Variants in RBFOX1 observed in about 807,000 individuals in gnomAD.
RBFOX1 encodes the protein RNA binding protein fox-1 homolog 1.
RBFOX1 carries 8 observed loss-of-function variants against 57.7 expected under a neutral mutation model. The ratio of observed to expected loss-of-function variants is 0.14; its 90% CI spans 0.08 to 0.25. The LOEUF is 0.25. RBFOX1 is among the 10% of genes least tolerant of loss of function. The pLI is 1.00. For missense variants in RBFOX1, 611 were observed against 548.5 expected (o/e 1.11, Z -1.14); for synonymous variants, 326 against 222.4 (o/e 1.47, Z -4.15).
intron 5 of RBFOX1, among the ~76,000 whole-genome samples, chr16:7,526,017 G>A (rs1323456131): frequency 6.6e-6 from 1 of 151,990 alleles, no homozygotes; most frequent in African/African-American, 2.4e-5. Context: ...CACAGCAAAA[G>A]GTGAGTGGTG....
intron 2 of RBFOX1, among the ~76,000 whole-genome samples, chr16:6,498,977 C>T (rs1045727785): frequency 6.6e-6 from 1 of 152,166 alleles, no homozygotes; most frequent in African/African-American, 2.4e-5. Context: ...CAAAAAGCGA[C>T]TTATGGTTAA....
chr16:6,310,920 A>C (rs1015309009), intron 1 of RBFOX1, among the ~76,000 whole-genome samples: 1 of 148,724 alleles, frequency 6.7e-6, no homozygotes, highest in African/African-American at 2.5e-5. Context: ...AAAAAAAAAA[A>C]GAACAGAATC....
chr16:7,258,514 T>G (rs1263268376), intron 4 of RBFOX1, among the ~76,000 whole-genome samples: 1 of 152,196 alleles, frequency 6.6e-6, no homozygotes, highest in African/African-American at 2.4e-5. Context: ...GCAAGTAGAT[T>G]ATGAAATATT....
intron 4 of RBFOX1, chr16:7,304,292 A>G (rs1248998191): frequency 1.0e-6 from 1 of 985,086 alleles, no homozygotes; most frequent in Non-Finnish European, 1.2e-6. Context: ...AGCAAAATTA[A>G]AAAAGAAAAA....
chr16:6,885,128 G>T (rs2063723416), intron 3 of RBFOX1, among the ~76,000 whole-genome samples: 1 of 152,152 alleles, frequency 6.6e-6, no homozygotes, highest in Non-Finnish European at 1.5e-5. Flanking sequence ...AAGGAGGAAA[G>T]TCTCAAGCTC....
chr16:6,998,847 C>T (rs1204043884), intron 3 of RBFOX1, among the ~76,000 whole-genome samples: 1 of 151,806 alleles, frequency 6.6e-6, no homozygotes, highest in East Asian at 1.9e-4. Flanking sequence ...CATGTTTCTT[C>T]TTTTTTTAAT....
intron 2 of RBFOX1, among the ~76,000 whole-genome samples, chr16:6,594,591 G>A (rs1476183836): frequency 6.6e-6 from 1 of 152,048 alleles, no homozygotes; most frequent in Non-Finnish European, 1.5e-5. Flanking sequence ...TTTCAATTAT[G>A]GGCAACTAGT....
intron 3 of RBFOX1, among the ~76,000 whole-genome samples, chr16:6,934,002 C>T (rs1465068881): frequency 6.6e-6 from 1 of 152,178 alleles, no homozygotes. Context: ...GCCCACCAGC[C>T]AGGGGTCAGG....
chr16:5,718,931 AATGAATGAAC>A (rs2051822508), intron 3 of RBFOX1, among the ~76,000 whole-genome samples: 2 of 151,786 alleles, frequency 1.3e-5, no homozygotes, highest in African/African-American at 4.8e-5. Context: ...TGAATGAATG[AATGAATGAAC>A]TTTCTGGCCT....
chr16:6,985,195 A>G lies in RBFOX1; in HGVS notation c.-15-66862A>G, dbSNP rs183137457. 1.5e-4 allele frequency among the ~76,000 whole-genome samples: 21 copies of G among 139,450 alleles called. No homozygotes were observed. The East Asian group carries it at 2.5e-3, about 17-fold the overall frequency. The allele number at this position is 139,450 out of a possible 152,430, so 91.5% of individuals were successfully genotyped here. On this transcript the variant is annotated intron_variant, in intron 3 of 15. Transcript: ENST00000550418. ...ATGGTTTAAAATGTGATCACATTCT[A>G]TTTTAATCATGGAAAGATTTTTTTC...
intron 3 of RBFOX1, among the ~76,000 whole-genome samples, chr16:6,868,368 A>G (rs2060292978): frequency 6.6e-6 from 1 of 152,170 alleles, no homozygotes; most frequent in East Asian, 1.9e-4. Context: ...GGGATTATGG[A>G]TCTAGAGAAA....
At chr16:5,358,193 C>G (rs901493945) in intron 1 of RBFOX1, among the ~76,000 whole-genome samples, 1 of 152,028 alleles carries the variant, frequency 6.6e-6, no homozygotes, top group African/African-American at 2.4e-5. Flanking sequence ...ATGCATCACC[C>G]TGACCTCTAC....
intron 4 of RBFOX1, among the ~76,000 whole-genome samples, chr16:5,904,411 T>A (rs1056378433): frequency 6.6e-6 from 1 of 151,904 alleles, no homozygotes. Flanking sequence ...CTCAGGGCAT[T>A]ATATATTTTT....
At chr16:7,648,395 T>G (rs1271535205) in intron 11 of RBFOX1, among the ~76,000 whole-genome samples, 2 of 152,026 alleles carry the variant, frequency 1.3e-5, no homozygotes, top group Admixed American at 1.3e-4. Context: ...CAGCTAATTT[T>G]TGTATTTTTA....
At chr16:5,490,656 G>A (rs1039889363) in intron 2 of RBFOX1, among the ~76,000 whole-genome samples, 3 of 152,122 alleles carry the variant, frequency 2.0e-5, no homozygotes, top group African/African-American at 7.2e-5. Flanking sequence ...TGTGAGCTCC[G>A]AGCATCTCTG....
chr16:6,606,651 G>A (rs1485643210), intron 2 of RBFOX1, among the ~76,000 whole-genome samples: 4 of 152,008 alleles, frequency 2.6e-5, no homozygotes, highest in African/African-American at 9.7e-5. Context: ...AAGGATAATG[G>A]CTTCCAGTTC....
intron 1 of RBFOX1, among the ~76,000 whole-genome samples, chr16:6,129,875 G>A (rs9939370): frequency 0.031 from 4,714 of 152,070 alleles, 257 homozygotes; most frequent in African/African-American, 0.11. Context: ...ACAATCATAT[G>A]ACATCTTTAA....
intron 3 of RBFOX1, among the ~76,000 whole-genome samples, chr16:5,728,179 C>G (rs543340549): frequency 6.6e-6 from 1 of 152,160 alleles, no homozygotes; most frequent in Non-Finnish European, 1.5e-5. Flanking sequence ...GCACTGTTGA[C>G]AATAGCCAAG....
intron 2 of RBFOX1, among the ~76,000 whole-genome samples, chr16:6,336,259 C>T (rs1258181283): frequency 9.3e-5 from 11 of 118,764 alleles, no homozygotes; most frequent in Non-Finnish European, 1.5e-4. Flanking sequence ...AGTGCAGTGG[C>T]GAGATCTCGG....
Sources: gnomAD v4.1 joint callset for allele counts (sites outside exome capture counted in the v4.1 genomes callset) on GRCh38, gnomAD v4.1.1 for gene constraint, MANE v1.5 for transcripts, NCBI Gene and HGNC (gene_info 2026-07-23, HGNC 2026-07-21) for gene names.